The following PRDM16 variants were observed in gnomAD, a reference collection of about 807,000 sequenced individuals.
PRDM16 encodes the protein histone-lysine N-methyltransferase PRDM16.
Under a neutral mutation model 110.6 loss-of-function variants are expected in PRDM16, and 23 were observed. The ratio of observed to expected loss-of-function variants is 0.21; its 90% CI spans 0.15 to 0.29. The LOEUF (loss-of-function observed/expected upper bound fraction) is 0.29, where lower values mean the gene tolerates loss of function less well. PRDM16 is among the 10% of genes least tolerant of loss of function. The pLI is 1.00. For missense variants in PRDM16, 1,615 were observed against 1,794.3 expected, an observed-to-expected ratio of 0.90 and a Z score of 1.81; for synonymous variants, 799 against 781.8, an observed-to-expected ratio of 1.02 and a Z score of -0.37.
intron 1 of PRDM16, among the ~76,000 whole-genome samples, chr1:3,181,337 G>C (rs1409685279): frequency 9.5e-6 from 1 of 104,994 alleles, no homozygotes; most frequent in Non-Finnish European, 2.0e-5. Flanking sequence ...TACACAAGCA[G>C]TCTTACACAC....
intron 3 of PRDM16, among the ~76,000 whole-genome samples, chr1:3,285,883 A>T (rs143309306): frequency 6.6e-6 from 1 of 152,340 alleles, no homozygotes; most frequent in African/African-American, 2.4e-5. Context: ...ATCTCTGCCG[A>T]GCGTGGAGCC....
chr1:3,199,478 C>T (rs1638564945), intron 2 of PRDM16, among the ~76,000 whole-genome samples: 4 of 152,166 alleles, frequency 2.6e-5, no homozygotes, highest in Admixed American at 2.0e-4. Context: ...TCAGTCCTCC[C>T]CTTCCTGCCC....
At chr1:3,352,342 C>T (rs972147845) in intron 3 of PRDM16, among the ~76,000 whole-genome samples, 10 of 152,284 alleles carry the variant, frequency 6.6e-5, no homozygotes, top group East Asian at 1.9e-4. Flanking sequence ...GTGGTCCTGG[C>T]GGCTGGCTGC....
chr1:3,282,448 C>T (rs185635549), intron 3 of PRDM16, among the ~76,000 whole-genome samples: 13 of 152,312 alleles, frequency 8.5e-5, no homozygotes, highest in African/African-American at 2.9e-4. Context: ...CTGGGGCCAG[C>T]GCCGCAGGGC....
At chr1:3,172,534 A>G (rs1644037502) in intron 1 of PRDM16, among the ~76,000 whole-genome samples, 2 of 152,218 alleles carry the variant, frequency 1.3e-5, no homozygotes, top group Admixed American at 1.3e-4. Flanking sequence ...TGTAGCTAAA[A>G]TGTGGACACA....
intron 3 of PRDM16, among the ~76,000 whole-genome samples, chr1:3,343,338 A>G (rs755073454): frequency 6.6e-6 from 1 of 150,480 alleles, no homozygotes; most frequent in Non-Finnish European, 1.5e-5. Flanking sequence ...CTTTTTATCA[A>G]TTGATTTTTA....
intron 1 of PRDM16, among the ~76,000 whole-genome samples, chr1:3,092,244 A>G (rs1642295450): frequency 6.6e-6 from 1 of 152,176 alleles, no homozygotes; most frequent in Non-Finnish European, 1.5e-5. Flanking sequence ...CCAGGGGCTC[A>G]GAGAGGCAGT....
Position 3,186,187 on chromosome 1 carries a change from G to A in PRDM16, c.100G>A (p.Ala34Thr), listed in dbSNP as rs187194973. 4,649 of 1,612,890 alleles carry A rather than the reference G, an allele frequency of 2.9e-3. 12 individuals carry two copies. The highest frequency in any genetic ancestry group is 3.5e-3 in the Non-Finnish European group (4,155 of 1,179,968). The change falls in exon 2 of 17, where the codon GCG (alanine) becomes ACG (threonine). Residue 34 changes from alanine to threonine, a missense_variant. Transcript: ENST00000270722. ...PNRDLLASHS[A>T]EDEAEDSAMS... Reference sequence around the variant, plus strand: ...CCGGGACCTGCTGGCCAGCCACAGCGCGGAGGACGAGGCCGAGGACAGTGC... The same window carrying A: ...CCGGGACCTGCTGGCCAGCCACAGCACGGAGGACGAGGCCGAGGACAGTGC...
chr1:3,262,294 C>T (rs1640180583), intron 3 of PRDM16, among the ~76,000 whole-genome samples: 1 of 152,194 alleles, frequency 6.6e-6, no homozygotes, highest in African/African-American at 2.4e-5. Context: ...CAAGGGCTCC[C>T]TCCTTCCCCC....
rs539716519 is a variant in PRDM16 at position 3,313,279 on chromosome 1, G to A, written c.438+69142G>A. Among the ~76,000 whole-genome samples the A allele has an allele frequency of 5.9e-5, 9 of 152,360 alleles. No individual in the cohort carries two copies. In the East Asian group the frequency reaches 1.5e-3, roughly 26 times the overall value. On this transcript the variant is annotated intron_variant, in intron 3 of 16. Coordinates refer to ENST00000270722, the MANE Select transcript of PRDM16 (RefSeq NM_022114.4). ...CTGTCTATGAAATGCCGCGGAGCTG[G>A]AGCCCCACTCGCCGTCACGATGAGT...
In PRDM16 at chr1:3,435,289, C is replaced by T. The variant is rs1050755280; in HGVS notation, c.*1478C>T. ...ATTTCCTCCTTAACAGTATTTTTGG[C>T]ATTAGACATTCTTATTGTGAAGAAA... On this transcript the variant is annotated 3_prime_UTR_variant, in exon 17 of 17. Transcript: ENST00000270722. 2 of 224,254 alleles carry T rather than the reference C, an allele frequency of 8.9e-6. No homozygotes were observed. The highest frequency in any genetic ancestry group is 1.1e-4 in the Admixed American group (2 of 17,458). 13.9% of individuals were successfully genotyped at this position (224,254 alleles called of 1,614,324 possible). A position where few individuals can be genotyped will look rare whatever the true frequency, so the allele number is the denominator to read the frequency against.
chr1:3,112,247 C>T (rs1642812506), intron 1 of PRDM16, among the ~76,000 whole-genome samples: 1 of 152,182 alleles, frequency 6.6e-6, no homozygotes. Flanking sequence ...CGGCGTTTCA[C>T]CCGTGGTGAC....
At chr1:3,130,392 T>C (rs1341476149) in intron 1 of PRDM16, among the ~76,000 whole-genome samples, 1 of 152,104 alleles carries the variant, frequency 6.6e-6, no homozygotes, top group Admixed American at 6.5e-5. Flanking sequence ...ACACCAGCCC[T>C]GGGGAGGCCA....
chr1:3,147,214 GGT>G (rs1339276363), intron 1 of PRDM16, among the ~76,000 whole-genome samples: 3 of 151,876 alleles, frequency 2.0e-5, no homozygotes, highest in Non-Finnish European at 4.4e-5. Context: ...TTCAGTGTGG[GGT>G]GTGTGTGCAC....
chr1:3,181,124 G>A (rs571713117), intron 1 of PRDM16, among the ~76,000 whole-genome samples: 10 of 127,848 alleles, frequency 7.8e-5, no homozygotes, highest in Non-Finnish European at 1.5e-4. Context: ...CCTTACACAC[G>A]CAGTCTTACA....
intron 3 of PRDM16, among the ~76,000 whole-genome samples, chr1:3,318,615 TTATC>T (rs571181243): frequency 1.9e-4 from 29 of 152,328 alleles, no homozygotes; most frequent in East Asian, 5.8e-4. Context: ...TATCTATCAA[TTATC>T]TATCTGTCTA....
At chr1:3,219,604 C>T (rs1331714926) in intron 2 of PRDM16, among the ~76,000 whole-genome samples, 2 of 152,188 alleles carry the variant, frequency 1.3e-5, no homozygotes, top group East Asian at 3.9e-4. Flanking sequence ...TGTTCGGGAA[C>T]AGGACGATAA....
chr1:3,347,683 T>C (rs889769397), intron 3 of PRDM16, among the ~76,000 whole-genome samples: 6 of 152,166 alleles, frequency 3.9e-5, no homozygotes, highest in Non-Finnish European at 5.9e-5. Flanking sequence ...ACTTCTGGGG[T>C]AGCAAAGCTG....
intron 2 of PRDM16, among the ~76,000 whole-genome samples, chr1:3,225,559 T>C (rs1171242525): frequency 9.6e-4 from 140 of 145,968 alleles, no homozygotes; most frequent in African/African-American, 3.6e-3. Context: ...TGTGTGTGTG[T>C]GTGTGTGTGT....
Sources: gnomAD v4.1 joint callset for allele counts (sites outside exome capture counted in the v4.1 genomes callset) on GRCh38, gnomAD v4.1.1 for gene constraint, MANE v1.5 for transcripts, NCBI Gene and HGNC (gene_info 2026-07-23, HGNC 2026-07-21) for gene names.